The following PAICS variants were observed in gnomAD, a reference collection of about 807,000 sequenced individuals.
The protein encoded by PAICS is bifunctional phosphoribosylaminoimidazole carboxylase/phosphoribosylaminoimidazole succinocarboxamide synthetase.
In PAICS, 33 loss-of-function variants were observed where a neutral mutation model predicts 53.7. The ratio of observed to expected loss-of-function variants is 0.61; its 90% CI spans 0.47 to 0.82. The LOEUF is 0.82. Among genes scored for constraint, PAICS ranks in the 40% least tolerant of loss-of-function variants. The pLI, the probability that PAICS is intolerant of heterozygous loss-of-function variation, is 0.00. For synonymous variants in PAICS, 141 were observed against 167.2 expected (o/e 0.84, Z 1.21); for missense variants, 394 against 494.1 (o/e 0.80, Z 1.92).
intron 8 of PAICS, 74 bp downstream of exon 8, chr4:56,453,835 A>G (rs537426007): frequency 8.4e-6 from 9 of 1,071,702 alleles, no homozygotes; most frequent in African/African-American, 7.8e-5. Flanking sequence ...ACAGAATAGC[A>G]TAATAAAATC....
rs768461994 is a variant in PAICS at position 56,453,773 on chromosome 4, T to C, written c.1111+12T>C. The C allele has an allele frequency of 6.6e-7, 1 of 1,524,776 alleles. No homozygotes were observed. The highest frequency in any genetic ancestry group is 1.2e-5 in the South Asian group (1 of 82,832). The allele number at this position is 1,524,776 out of a possible 1,614,324, so 94.5% of individuals were successfully genotyped here. A position where few individuals can be genotyped will look rare whatever the true frequency, so the allele number is the denominator to read the frequency against. On this transcript the variant is annotated intron_variant, in intron 8 of 8. Transcript: ENST00000512576. Reference sequence around the variant, plus strand: ...TCGACTACCCAGTGGTAAGATACATTGAATTTTTAAAAACTGTTCATTACA... The same window carrying C: ...TCGACTACCCAGTGGTAAGATACATCGAATTTTTAAAAACTGTTCATTACA...
chr4:56,457,785 A>G (rs10009543), intron 8 of PAICS, among the ~76,000 whole-genome samples: 56,597 of 151,558 alleles, frequency 0.37, 12,029 homozygotes, highest in East Asian at 0.66. Context: ...AAGTAGCTGA[A>G]ATCACAGGCA....
rs1352297448 is a variant in PAICS, at chr4:56,439,230, G to GT, written c.17-2425dup. On this transcript the variant is annotated intron_variant, in intron 1 of 8. Coordinates refer to ENST00000512576, the MANE Select transcript of PAICS (RefSeq NM_001079524.2). Reference sequence around the variant, plus strand: ...AATTTCTTTATCTGATCTGGGCACTGTTTTTTTTGTTTTTGTTTTTTCTTG... The same window carrying GT: ...AATTTCTTTATCTGATCTGGGCACTGTTTTTTTTTGTTTTTGTTTTTTCTTG... 2.0e-4 allele frequency among the ~76,000 whole-genome samples: 31 copies of GT among 151,682 alleles called. 1 individual carries two copies. The highest frequency in any genetic ancestry group is 1.2e-3 in the Admixed American group (19 of 15,208).
At position 56,462,887 on chromosome 4, in the gene PAICS, C is replaced by T. The variant is rs113636369; in HGVS notation, c.*3349C>T. The T allele has an allele frequency of 0.031, 4,722 of 152,212 alleles. 168 individuals are homozygous for T. The highest frequency in any genetic ancestry group is 0.19 in the East Asian group (996 of 5,168). 9.4% of individuals were successfully genotyped at this position (152,212 alleles called of 1,614,324 possible). On this transcript the variant is annotated 3_prime_UTR_variant, in exon 9 of 9. Transcript: ENST00000512576. ...TGGTGGCACATTCCTGTAATCCCAGCGACTCAGGAGGCTGAGGCAGGAGAA... is the reference window on the plus strand; with the variant it reads ...TGGTGGCACATTCCTGTAATCCCAGTGACTCAGGAGGCTGAGGCAGGAGAA...
upstream of PAICS, among the ~76,000 whole-genome samples, chr4:56,432,994 A>ATT (rs1232926982): frequency 1.4e-5 from 2 of 144,186 alleles, no homozygotes; most frequent in Non-Finnish European, 3.0e-5. Flanking sequence ...ACACACACGT[A>ATT]TTTTATATAT....
chr4:56,435,601 G>A (rs1418685199), upstream of PAICS: 6 of 1,539,014 alleles, frequency 3.9e-6, no homozygotes, highest in African/African-American at 8.2e-5. Context: ...CTTCCCGAGG[G>A]TGGCCCCAGC....
At chr4:56,436,775 A>C (rs2110077337) in intron 1 of PAICS, among the ~76,000 whole-genome samples, 2 of 152,286 alleles carry the variant, frequency 1.3e-5, no homozygotes, top group South Asian at 4.1e-4. Flanking sequence ...CGGGCGGATC[A>C]CCTGAGGTCA....
At chr4:56,436,032 G>C (rs1717913652), upstream of PAICS, 4 of 1,523,104 alleles carry the variant, frequency 2.6e-6, no homozygotes, top group African/African-American at 4.1e-5. Context: ...CTTTTCGCCT[G>C]TCCGGGCACT....
intron 5 of PAICS, among the ~76,000 whole-genome samples, chr4:56,450,320 TAAAATAA>T (rs1244247010): frequency 6.6e-6 from 1 of 152,162 alleles, no homozygotes; most frequent in Non-Finnish European, 1.5e-5. Context: ...CACATGTATT[TAAAATAA>T]AAAATAACAG....
At chr4:56,423,582 C>G in the PAICS span, 1 of 151,760 alleles carries the variant, frequency 6.6e-6, no homozygotes. Context: ...CTTGTTAGTC[C>G]TCTGGAAAAC....
At chr4:56,447,102 C>G (rs897655353) in intron 3 of PAICS, among the ~76,000 whole-genome samples, 11 of 150,822 alleles carry the variant, frequency 7.3e-5, no homozygotes, top group African/African-American at 2.7e-4. Context: ...ACCTTTGAAC[C>G]AAGATGACTA....
the PAICS span, among the ~76,000 whole-genome samples, chr4:56,419,272 T>C: frequency 2.0e-5 from 3 of 152,240 alleles, no homozygotes; most frequent in African/African-American, 7.2e-5. Flanking sequence ...TACTGTTTTC[T>C]ATAGTAAATG....
intron 1 of PAICS, among the ~76,000 whole-genome samples, chr4:56,441,198 A>C (rs912747436): frequency 6.6e-6 from 1 of 152,278 alleles, no homozygotes; most frequent in African/African-American, 2.4e-5. Context: ...CAAAAATCGC[A>C]TATTTTTTCC....
chr4:56,453,033 A>G (rs1718994373), intron 7 of PAICS, among the ~76,000 whole-genome samples: 1 of 152,188 alleles, frequency 6.6e-6, no homozygotes, highest in Non-Finnish European at 1.5e-5. Context: ...AGGTTAACAA[A>G]TCTCTGCTTT....
At chr4:56,447,154 A>T (rs1008205055) in intron 3 of PAICS, among the ~76,000 whole-genome samples, 1 of 151,852 alleles carries the variant, frequency 6.6e-6, no homozygotes, top group African/African-American at 2.4e-5. Flanking sequence ...ATTTTTTTAA[A>T]ATTTAGTTGA....
chr4:56,434,391 C>T (rs1520026), upstream of PAICS, among the ~76,000 whole-genome samples: 32,389 of 152,124 alleles, frequency 0.21, 3,924 homozygotes, highest in East Asian at 0.39. Flanking sequence ...AAGTTGTTAC[C>T]ACTGTATTGC....
At chr4:56,417,835 G>GTTTTTTTTTTTTTTTTTT in the PAICS span, among the ~76,000 whole-genome samples, 154 of 102,454 alleles carry the variant, frequency 1.5e-3, 4 homozygotes, top group African/African-American at 5.2e-3. Flanking sequence ...TGAAGATTTG[G>GTTTTTTTTTTTTTTTTTT]TTTTTTGTTT....
Position 56,448,446 on chromosome 4 carries a change from C to T in PAICS, c.422C>T (p.Ser141Phe). The T allele has an allele frequency of 1.2e-6, 2 of 1,608,126 alleles. No individual in the cohort carries two copies. The highest frequency in any genetic ancestry group is 2.7e-5 in the African/African-American group (2 of 74,936). ...GATGCCAATAATGACCCACAGTGGT[C>T]TGAGGAACAGCTGATTGCTGCAAAA... ...KDDANNDPQW[S>F]EEQLIAAKFC... is the part of the protein sequence containing the mutation. Residue 141 changes from serine to phenylalanine, a missense_variant, in exon 4 of 9, where the codon TCT (serine) becomes TTT (phenylalanine). Ser to Phe is a radical substitution (Grantham distance 155). Coordinates refer to ENST00000512576, the MANE Select transcript of PAICS (RefSeq NM_001079524.2).
intron 2 of PAICS, among the ~76,000 whole-genome samples, chr4:56,445,436 A>T (rs1718563303): frequency 6.6e-6 from 1 of 152,006 alleles, no homozygotes; most frequent in South Asian, 2.1e-4. Flanking sequence ...AAAATACAAA[A>T]ATTAGCCAGG....
Sources: gnomAD v4.1 joint callset for allele counts (sites outside exome capture counted in the v4.1 genomes callset) on GRCh38, gnomAD v4.1.1 for gene constraint, MANE v1.5 for transcripts, NCBI Gene and HGNC (gene_info 2026-07-23, HGNC 2026-07-21) for gene names.